FAM25G: variants seen among roughly 807,000 people sequenced by gnomAD.
The protein encoded by FAM25G is protein FAM25G.
A neutral mutation model predicts 6.4 loss-of-function variants in FAM25G; 3 were observed. That is an observed-to-expected ratio of 0.47 (90% CI 0.21 to 1.21). FAM25G has a LOEUF of 1.21. Ranked by LOEUF, FAM25G falls within the 50% of genes most tolerant of loss-of-function variation. The probability of loss-of-function intolerance (pLI) is 0.22; values close to 1 mark genes in which losing one functional copy is unlikely to be tolerated. For missense variants in FAM25G, 34 were observed against 76.0 expected, an observed-to-expected ratio of 0.45 and a Z score of 2.06; for synonymous variants, 15 against 31.3, an observed-to-expected ratio of 0.48 and a Z score of 1.74.
chr10:47,487,505 C>T, intron 2 of FAM25G, 97 bp from the exon 3 acceptor site: 1 of 523,600 alleles, frequency 1.9e-6, no homozygotes. Flanking sequence ...GGATTAGTCT[C>T]TGGAGTGGCC....
At chr10:47,487,690 T>C (rs1287919264) in intron 2 of FAM25G, among the ~76,000 whole-genome samples, 7 of 149,026 alleles carry the variant, frequency 4.7e-5, no homozygotes, top group African/African-American at 1.7e-4. Context: ...ACCATTTTTA[T>C]ATTGGGTTGT....
chr10:47,491,643 T>A lies in FAM25G; in HGVS notation c.32A>T (p.Glu11Val), dbSNP rs1840154688. ...CTTCTCGGTGCGGTGGGCCAGGCCC[T>A]CGGCAGCCAGCTTCCCCAGGCCTCC... The part of the protein sequence containing the change: MLGGLGKLAA[E>V]GLAHRTEKAT... The change falls in exon 1 of 3, where the codon GAG becomes GTG. Residue 11 changes from glutamate to valine, a missense_variant. Glu to Val is a moderately radical substitution (Grantham distance 121). Coordinates refer to ENST00000452267, the MANE Select transcript of FAM25G (RefSeq NM_001137549.2). 9 of 1,540,546 alleles carry A rather than the reference T, an allele frequency of 5.8e-6. No homozygotes were observed. Among genetic ancestry groups the A allele is most frequent in the Admixed American group, 2.0e-5 (1 of 50,538 alleles).
chr10:47,489,365 T>G (rs1588939035), intron 2 of FAM25G, among the ~76,000 whole-genome samples: 1 of 150,556 alleles, frequency 6.6e-6, no homozygotes, highest in African/African-American at 2.4e-5. Flanking sequence ...CTTGTGTGAC[T>G]TTGTCTTCTT....
intron 2 of FAM25G, among the ~76,000 whole-genome samples, chr10:47,487,691 A>G (rs1840072043): frequency 2.8e-5 from 4 of 145,060 alleles, no homozygotes; most frequent in Admixed American, 6.9e-5. Flanking sequence ...CCATTTTTAT[A>G]TTGGGTTGTT....
rs1396189520 is a variant in FAM25G, at chr10:47,488,501, G to C, written c.136+1085C>G. ...GCTAGGATTACAGGCGTGAGCCACTGCACCTGGCCTATGGTATTTTATAAG... is the reference window on the plus strand; with the variant it reads ...GCTAGGATTACAGGCGTGAGCCACTCCACCTGGCCTATGGTATTTTATAAG... On this transcript the variant is annotated intron_variant, in intron 2 of 2. Transcript: ENST00000452267. Among the ~76,000 whole-genome samples, 2 of 151,032 alleles carry C rather than the reference G, an allele frequency of 1.3e-5. 1 individual carries two copies. Among genetic ancestry groups the C allele is most frequent in the Non-Finnish European group, 2.9e-5 (2 of 67,968 alleles).
intron 2 of FAM25G, among the ~76,000 whole-genome samples, chr10:47,489,322 T>C (rs1375505855): frequency 6.8e-6 from 1 of 147,548 alleles, no homozygotes; most frequent in Middle Eastern, 3.2e-3. Context: ...CCTGCCATGT[T>C]AAATGTTTTG....
chr10:47,490,506 C>G (rs1351572535), intron 1 of FAM25G: 1 of 152,902 alleles, frequency 6.5e-6, no homozygotes, highest in African/African-American at 2.4e-5. Flanking sequence ...AACAAAGAAA[C>G]AGGTGGTGAG....
intron 2 of FAM25G, among the ~76,000 whole-genome samples, chr10:47,488,444 C>A (rs1470094690): frequency 1.2e-4 from 18 of 147,808 alleles, no homozygotes; most frequent in Admixed American, 1.1e-3. Flanking sequence ...CTCCTGACCT[C>A]AGGTGGCCCA....
At chr10:47,490,008 C>A (rs1379231370) in intron 1 of FAM25G, among the ~76,000 whole-genome samples, 6 of 150,260 alleles carry the variant, frequency 4.0e-5, no homozygotes, top group Non-Finnish European at 8.8e-5. Context: ...CCCCTTGGCC[C>A]TGCCCGGCCT....
Position 47,487,395 on chromosome 10 carries a change from G to C in FAM25G, c.150C>G (p.Ala50=). The change falls in exon 3 of 3, where the codon GCC becomes GCG. Residue 50 remains alanine, a synonymous_variant. Coordinates refer to ENST00000452267, the MANE Select transcript of FAM25G (RefSeq NM_001137549.2). ...CCCCTGACTCCTGGGCTTTCTTTAT[G>C]GCTTCAGCAATGGCTGTTGGAAAGA... is the stretch of plus-strand genomic sequence containing the variant. ...KETGEKAIAE[A]IKKAQESGDK... 2 of 1,060,968 alleles carry C rather than the reference G, an allele frequency of 1.9e-6. No individual in the cohort carries two copies. Among genetic ancestry groups the C allele is most frequent in the South Asian group, 3.1e-5 (2 of 63,910 alleles). The allele number at this position is 1,060,968 out of a possible 1,614,324, so 65.7% of individuals were successfully genotyped here.
chr10:47,489,973 C>T (rs1387134195), intron 1 of FAM25G, among the ~76,000 whole-genome samples: 7 of 150,660 alleles, frequency 4.6e-5, no homozygotes, highest in African/African-American at 1.7e-4. Context: ...CTCAATGAGC[C>T]CCATGAGGGC....
Position 47,489,890 on chromosome 10 carries a change from A to C in FAM25G, c.74-242T>G, listed in dbSNP as rs1218437662. 5.4e-5 allele frequency among the ~76,000 whole-genome samples: 8 copies of C among 149,044 alleles called. No individual in the cohort carries two copies. In the East Asian group the frequency reaches 1.6e-3, roughly 30 times the overall value. ...TGCCACCCCCAGCCAGGACAGACTGACTCATGAGAAGGACCTTCCCCCACA... is the reference window on the plus strand; with the variant it reads ...TGCCACCCCCAGCCAGGACAGACTGCCTCATGAGAAGGACCTTCCCCCACA... On this transcript the variant is annotated intron_variant, in intron 1 of 2. Transcript: ENST00000452267.
chr10:47,488,712 AATTTTTTTTTTTT>A lies in FAM25G; in HGVS notation c.136+861_136+873del, dbSNP rs1565823503. 3.1e-5 allele frequency among the ~76,000 whole-genome samples: 3 copies of A among 95,978 alleles called. No individual in the cohort carries two copies. In the Admixed American group the frequency reaches 3.7e-4, roughly 12 times the overall value. The allele number at this position is 95,978 out of a possible 152,430, so 63.0% of individuals were successfully genotyped here. ...ATTTAACATAGAATTTTACATGTTA[AATTTTTTTTTTTT>A]TTTTTTTTTTTTTTTTTTTTGAGAC... On this transcript the variant is annotated intron_variant, in intron 2 of 2. Coordinates refer to ENST00000452267, the MANE Select transcript of FAM25G (RefSeq NM_001137549.2).
Position 47,491,645 on chromosome 10 carries a change from G to A in FAM25G, c.30C>T (p.Ala10=), listed in dbSNP as rs1470546618. 600 of 1,540,418 alleles carry A rather than the reference G, an allele frequency of 3.9e-4. 9 individuals are homozygous for A. The highest frequency in any genetic ancestry group is 2.3e-3 in the Middle Eastern group (10 of 4,324). ...TCTCGGTGCGGTGGGCCAGGCCCTC[G>A]GCAGCCAGCTTCCCCAGGCCTCCCA... The part of the protein sequence containing the change: MLGGLGKLA[A]EGLAHRTEKA... The change falls in exon 1 of 3, where the codon GCC becomes GCT. Residue 10 remains alanine, a synonymous_variant. Coordinates refer to ENST00000452267, the MANE Select transcript of FAM25G (RefSeq NM_001137549.2).
chr10:47,487,258 C>T lies in FAM25G; in HGVS notation c.*17G>A, dbSNP rs1450404029. The T allele has an allele frequency of 3.5e-4, 448 of 1,265,628 alleles. 2 individuals are homozygous for T. Among genetic ancestry groups the T allele is most frequent in the East Asian group, 3.2e-4 (12 of 38,048 alleles). 78.4% of individuals were successfully genotyped at this position (1,265,628 alleles called of 1,614,324 possible). The stretch of plus-strand genomic sequence containing the variant: ...CTTTTTATTGAGACTGGGGAAGGGC[C>T]GTGGTAGCAGGTGCACTCACTGTCC... On this transcript the variant is annotated 3_prime_UTR_variant, in exon 3 of 3. Transcript: ENST00000452267.
chr10:47,488,713 A>ATTTTTTTTTTT (rs1160121365), intron 2 of FAM25G, among the ~76,000 whole-genome samples: 10 of 62,118 alleles, frequency 1.6e-4, no homozygotes, highest in Admixed American at 5.2e-4. Flanking sequence ...TACATGTTAA[A>ATTTTTTTTTTT]TTTTTTTTTT....
At chr10:47,487,958 G>A (rs1392899575) in intron 2 of FAM25G, among the ~76,000 whole-genome samples, 24 of 150,468 alleles carry the variant, frequency 1.6e-4, no homozygotes, top group African/African-American at 5.9e-4. Context: ...AAACTCATAT[G>A]CTGAAATCCT....
chr10:47,491,596 C>T lies in FAM25G; in HGVS notation c.73+6G>A, dbSNP rs1840153262. On this transcript the variant is annotated splice_donor_region_variant and intron_variant, in intron 1 of 2. Coordinates refer to ENST00000452267, the MANE Select transcript of FAM25G (RefSeq NM_001137549.2). ...GCCCAGGTAGAAAGGAGCCCTGGGT[C>T]CTCACTGGCTCCCTCGGTGGCCTTC... is the stretch of plus-strand genomic sequence containing the variant. The T allele has an allele frequency of 6.6e-7, 1 of 1,516,472 alleles. No homozygotes were observed. Among genetic ancestry groups the T allele is most frequent in the Non-Finnish European group, 8.9e-7 (1 of 1,125,054 alleles). The allele number at this position is 1,516,472 out of a possible 1,614,324, so 93.9% of individuals were successfully genotyped here. A position where few individuals can be genotyped will look rare whatever the true frequency, so the allele number is the denominator to read the frequency against.
At chr10:47,488,458 G>A (rs1281905807) in intron 2 of FAM25G, among the ~76,000 whole-genome samples, 4 of 149,148 alleles carry the variant, frequency 2.7e-5, no homozygotes, top group South Asian at 2.1e-4. Context: ...TGGCCCACCC[G>A]CCTTGGCTTC....
Sources: gnomAD v4.1 joint callset for allele counts (sites outside exome capture counted in the v4.1 genomes callset) on GRCh38, gnomAD v4.1.1 for gene constraint, MANE v1.5 for transcripts, NCBI Gene and HGNC (gene_info 2026-07-23, HGNC 2026-07-21) for gene names.